PLCB1: variants seen among roughly 807,000 people sequenced by gnomAD.
The protein encoded by PLCB1 is phospholipase C beta 1, also known as 1-phosphatidylinositol 4,5-bisphosphate phosphodiesterase beta-1.
PLCB1 carries 46 observed loss-of-function variants against 161.8 expected under a neutral mutation model. That is an observed-to-expected ratio of 0.28 (90% CI 0.22 to 0.36). The LOEUF (loss-of-function observed/expected upper bound fraction) is 0.36. PLCB1 is among the 10% of genes least tolerant of loss of function. The probability of loss-of-function intolerance (pLI) is 1.00; values close to 1 mark genes in which losing one functional copy is unlikely to be tolerated. For missense variants in PLCB1, 1,016 were observed against 1,472.5 expected, an observed-to-expected ratio of 0.69 and a Z score of 5.07; for synonymous variants, 517 against 503.7, an observed-to-expected ratio of 1.03 and a Z score of -0.35.
At chr20:8,762,042 C>T (rs1220235837) in intron 25 of PLCB1, among the ~76,000 whole-genome samples, 1 of 151,914 alleles carries the variant, frequency 6.6e-6, no homozygotes, top group East Asian at 2.0e-4. Flanking sequence ...GAAACCCCAT[C>T]TCTACTAAAT....
intron 10 of PLCB1, among the ~76,000 whole-genome samples, chr20:8,694,617 G>A (rs1487913851): frequency 6.6e-6 from 1 of 152,140 alleles, no homozygotes; most frequent in Non-Finnish European, 1.5e-5. Flanking sequence ...ATTACAGAAT[G>A]CTCTAGTGTC....
intron 27 of PLCB1, among the ~76,000 whole-genome samples, chr20:8,777,561 A>G (rs1600319053): frequency 6.6e-6 from 1 of 152,014 alleles, no homozygotes. Context: ...TCTACTAAAA[A>G]TACAAAAATT....
chr20:8,575,081 T>C (rs932411550), intron 3 of PLCB1, among the ~76,000 whole-genome samples: 1 of 152,170 alleles, frequency 6.6e-6, no homozygotes, highest in African/African-American at 2.4e-5. Context: ...GTCCAACCCA[T>C]AGATTGGCTT....
intron 3 of PLCB1, among the ~76,000 whole-genome samples, chr20:8,578,392 C>A (rs924284138): frequency 1.3e-5 from 2 of 152,114 alleles, no homozygotes; most frequent in Non-Finnish European, 2.9e-5. Flanking sequence ...GGAAACAAAG[C>A]TGTTGACTCA....
chr20:8,169,399 A>G (rs930330619), intron 2 of PLCB1, among the ~76,000 whole-genome samples: 9 of 152,336 alleles, frequency 5.9e-5, no homozygotes, highest in South Asian at 2.1e-4. Flanking sequence ...AATAATAAAT[A>G]GGAATCCCAT....
At chr20:8,646,282 T>C (rs2123286496) in intron 5 of PLCB1, 101 bp downstream of exon 5, 7 of 780,656 alleles carry the variant, frequency 9.0e-6, no homozygotes, top group East Asian at 2.6e-5. Flanking sequence ...ACTTCTCACA[T>C]TGATAAACAC....
chr20:8,827,541 A>G (rs1176305113), intron 31 of PLCB1, among the ~76,000 whole-genome samples: 2 of 152,220 alleles, frequency 1.3e-5, no homozygotes, highest in African/African-American at 2.4e-5. Context: ...ATTATTGAAA[A>G]ATTGAATAAA....
chr20:8,313,325 T>G (rs924846949), intron 2 of PLCB1, among the ~76,000 whole-genome samples: 1 of 152,152 alleles, frequency 6.6e-6, no homozygotes, highest in South Asian at 2.1e-4. Flanking sequence ...GGCTGGTGTT[T>G]GAGATGATGG....
At chr20:8,535,224 AAAG>A (rs1305912028) in intron 3 of PLCB1, among the ~76,000 whole-genome samples, 4 of 149,462 alleles carry the variant, frequency 2.7e-5, no homozygotes, top group Non-Finnish European at 5.9e-5. Context: ...AAAAAAAAAA[AAAG>A]GAAAGAAAAC....
intron 2 of PLCB1, among the ~76,000 whole-genome samples, chr20:8,153,396 G>A (rs748533336): frequency 2.0e-5 from 3 of 152,098 alleles, no homozygotes; most frequent in African/African-American, 7.2e-5. Context: ...ATGTGAAGAG[G>A]ATGAATTTAT....
At chr20:8,251,726 C>T (rs1981157876) in intron 2 of PLCB1, among the ~76,000 whole-genome samples, 1 of 151,952 alleles carries the variant, frequency 6.6e-6, no homozygotes, top group African/African-American at 2.4e-5. Flanking sequence ...AATTTTCCTA[C>T]AACTCAGATT....
At chr20:8,800,669 G>A (rs143027710) in intron 31 of PLCB1, among the ~76,000 whole-genome samples, 116 of 152,238 alleles carry the variant, frequency 7.6e-4, no homozygotes, top group African/African-American at 2.7e-3. Context: ...ATCTTTGGCT[G>A]AGAAAGATTT....
chr20:8,157,927 A>T (rs1316044004), intron 2 of PLCB1, among the ~76,000 whole-genome samples: 1 of 152,232 alleles, frequency 6.6e-6, no homozygotes, highest in African/African-American at 2.4e-5. Context: ...CAGAGTTTAG[A>T]AACATGTAAT....
intron 3 of PLCB1, among the ~76,000 whole-genome samples, chr20:8,518,565 GT>G (rs1401045216): frequency 1.3e-5 from 2 of 152,162 alleles, no homozygotes; most frequent in South Asian, 4.1e-4. Flanking sequence ...TAGTTCATTA[GT>G]TTATCTATAA....
chr20:8,806,307 C>A (rs953387540), intron 31 of PLCB1, among the ~76,000 whole-genome samples: 4 of 152,004 alleles, frequency 2.6e-5, no homozygotes, highest in Non-Finnish European at 5.9e-5. Flanking sequence ...GAAAGGGAGA[C>A]ACCTGAGGCA....
chr20:8,355,460 C>T (rs2122276297), intron 2 of PLCB1, among the ~76,000 whole-genome samples: 1 of 152,282 alleles, frequency 6.6e-6, no homozygotes, highest in South Asian at 2.1e-4. Flanking sequence ...TAGGGTCTCT[C>T]TGTCCTCTTT....
intron 9 of PLCB1, among the ~76,000 whole-genome samples, chr20:8,677,535 G>A (rs1990115174): frequency 6.6e-6 from 1 of 152,150 alleles, no homozygotes; most frequent in Non-Finnish European, 1.5e-5. Flanking sequence ...AGAGTGCCCA[G>A]CATAGGGGAT....
chr20:8,332,927 T>C (rs1264495984), intron 2 of PLCB1, among the ~76,000 whole-genome samples: 2 of 152,244 alleles, frequency 1.3e-5, no homozygotes, highest in Admixed American at 6.5e-5. Flanking sequence ...GTAGCTGCTT[T>C]GGAAGGTGCA....
intron 1 of PLCB1, among the ~76,000 whole-genome samples, chr20:8,137,433 G>A (rs527447810): frequency 2.6e-4 from 40 of 152,282 alleles, no homozygotes; most frequent in African/African-American, 9.4e-4. Flanking sequence ...ATTTTAGAAT[G>A]GAAGGCTAGC....
Sources: gnomAD v4.1 joint callset for allele counts (sites outside exome capture counted in the v4.1 genomes callset) on GRCh38, gnomAD v4.1.1 for gene constraint, MANE v1.5 for transcripts, NCBI Gene and HGNC (gene_info 2026-07-23, HGNC 2026-07-21) for gene names.